The following PCLO variants were observed in gnomAD, a reference collection of about 807,000 sequenced individuals.
PCLO encodes the protein protein piccolo.
Under a neutral mutation model 427.5 loss-of-function variants are expected in PCLO, and 82 were observed. The observed-to-expected ratio is 0.19, with a 90% CI of 0.16 to 0.23. PCLO has a LOEUF of 0.23. Among genes scored for constraint, PCLO ranks in the 10% least tolerant of loss-of-function variants. PCLO has a pLI of 1.00. For synonymous variants in PCLO, 2,357 were observed against 2,155.4 expected (o/e 1.09, Z -2.59); for missense variants, 6,239 against 6,115.9 (o/e 1.02, Z -0.67).
intron 3 of PCLO, among the ~76,000 whole-genome samples, chr7:83,114,175 T>C (rs1156793515): frequency 9.2e-5 from 14 of 152,110 alleles, no homozygotes; most frequent in African/African-American, 3.4e-4. Context: ...TAAACATGTA[T>C]TGATTACCTA....
At chr7:82,828,130 C>T (rs1194458316) in intron 16 of PCLO, among the ~76,000 whole-genome samples, 164 bp from the exon 17 acceptor site, 1 of 152,026 alleles carries the variant, frequency 6.6e-6, no homozygotes, top group Non-Finnish European at 1.5e-5. Flanking sequence ...GTTGAATGCA[C>T]AGTGACAATT....
chr7:83,079,626 C>T (rs186218584), intron 3 of PCLO, among the ~76,000 whole-genome samples: 57 of 152,180 alleles, frequency 3.7e-4, no homozygotes, highest in Admixed American at 3.7e-3. Flanking sequence ...TTGTTGGTGG[C>T]TGTGACTGTT....
In PCLO at chr7:82,915,803, T is replaced by A. The variant is rs751290000; in HGVS notation, c.12183A>T (p.Ala4061=). 72 of 1,612,928 alleles carry A rather than the reference T, an allele frequency of 4.5e-5. No homozygotes were observed. In the East Asian group the frequency reaches 1.6e-3, roughly 36 times the overall value. The part of the protein sequence containing the change: ...DIGEITKGTA[A]LSTAFSLHEK... ...CATGAAGGCTAAATGCGGTGCTTAA[T>A]GCCGCTGTTCCTTTGGTGATCTCTC... Residue 4061 remains alanine, a synonymous_variant, in exon 7 of 25, where the codon GCA becomes GCT. Coordinates refer to ENST00000333891, the MANE Select transcript of PCLO (RefSeq NM_033026.6).
In PCLO at chr7:82,954,875, C is replaced by T. The variant is rs756829331; in HGVS notation, c.6078G>A (p.Gln2026=). Reference sequence around the variant, plus strand: ...TAAAAGAGCTTGAAACAATATCTTCCTGAGGCACAACAGAATGTAAGCTTT... The same window carrying T: ...TAAAAGAGCTTGAAACAATATCTTCTTGAGGCACAACAGAATGTAAGCTTT... ...ELESLHSVVP[Q]EDIVSSSFII... The change falls in exon 5 of 25, where the codon CAG becomes CAA. Residue 2026 remains glutamine (Q), a synonymous_variant. Coordinates refer to ENST00000333891, the MANE Select transcript of PCLO (RefSeq NM_033026.6). 4 of 1,613,796 alleles carry T rather than the reference C, an allele frequency of 2.5e-6. No individual in the cohort carries two copies. The highest frequency in any genetic ancestry group is 2.5e-6 in the Non-Finnish European group (3 of 1,179,868).
chr7:83,134,943 C>A lies in PCLO; in HGVS notation c.2607G>T (p.Lys869Asn). The change falls in exon 3 of 25, where the codon AAG becomes AAT. Residue 869 changes from lysine to asparagine, a missense_variant. Around this residue, in one of 5 missense-constraint regions of PCLO, gnomAD observed 4,677 missense variants for 4,468.4 expected, o/e 1.05. Transcript: ENST00000333891. ...GTGTTGGTGACCCTTTTGGCATTGGCTTGGCATCTGGTTTAGGACTCATTT... is the reference window on the plus strand; with the variant it reads ...GTGTTGGTGACCCTTTTGGCATTGGATTGGCATCTGGTTTAGGACTCATTT... Reference protein sequence around the residue: ...QTKMSPKPDAKPMPKGSPTPP... With the variant: ...QTKMSPKPDANPMPKGSPTPP... The A allele has an allele frequency of 6.2e-7, 1 of 1,607,836 alleles. No individual in the cohort carries two copies.
chr7:82,867,303 C>A (rs1793120056), intron 10 of PCLO, among the ~76,000 whole-genome samples: 1 of 152,144 alleles, frequency 6.6e-6, no homozygotes, highest in Admixed American at 6.6e-5. Flanking sequence ...ATATTCTAAG[C>A]ATGACATTAT....
chr7:82,767,658 A>AAAAAGT (rs1231852506), intron 22 of PCLO, among the ~76,000 whole-genome samples: 2 of 152,138 alleles, frequency 1.3e-5, no homozygotes, highest in Non-Finnish European at 2.9e-5. Flanking sequence ...CTTTTCTCAG[A>AAAAAGT]AAAAGTAAAT....
chr7:82,976,290 C>A (rs1796016356), intron 3 of PCLO, among the ~76,000 whole-genome samples: 1 of 152,096 alleles, frequency 6.6e-6, no homozygotes, highest in Non-Finnish European at 1.5e-5. Context: ...GCATTCTGAC[C>A]TGTCCTCATG....
At chr7:83,055,375 C>A (rs1442888938) in intron 3 of PCLO, among the ~76,000 whole-genome samples, 3 of 151,990 alleles carry the variant, frequency 2.0e-5, no homozygotes, top group Non-Finnish European at 4.4e-5. Flanking sequence ...TTATGGAAAG[C>A]AAAATAAAAA....
intron 3 of PCLO, among the ~76,000 whole-genome samples, chr7:82,967,289 C>T (rs1795801273): frequency 2.7e-5 from 4 of 150,896 alleles, no homozygotes; most frequent in South Asian, 4.2e-4. Flanking sequence ...GATTCTCCTG[C>T]CTCAGCCTCC....
At chr7:83,121,690 T>C (rs888553099) in intron 3 of PCLO, among the ~76,000 whole-genome samples, 3 of 151,576 alleles carry the variant, frequency 2.0e-5, no homozygotes, top group African/African-American at 7.3e-5. Context: ...AGATATTTCA[T>C]GCAAATGAAA....
chr7:82,805,785 C>T lies in PCLO; in HGVS notation c.14836G>A (p.Gly4946Ser). The change falls in exon 21 of 25, where the codon GGC becomes AGC. Residue 4946 changes from glycine (G) to serine (S), a missense_variant. Physicochemically the swap from Gly to Ser is moderately conservative, Grantham distance 56 (BLOSUM62 0). Coordinates refer to ENST00000333891, the MANE Select transcript of PCLO (RefSeq NM_033026.6). The part of the protein sequence containing the change: ...HRPAESSVST[G>S]SSGSSFGSGY... ...CTGCCAAAGCTGCTGCCCGAGGAGCCGGTGGACACAGAGCTTTCTGCAGGC... is the reference window on the plus strand; with the variant it reads ...CTGCCAAAGCTGCTGCCCGAGGAGCTGGTGGACACAGAGCTTTCTGCAGGC... 1 of 1,609,070 alleles carries T rather than the reference C, an allele frequency of 6.2e-7. No homozygotes were observed. Among genetic ancestry groups the T allele is most frequent in the South Asian group, 1.1e-5 (1 of 89,966 alleles).
intron 3 of PCLO, among the ~76,000 whole-genome samples, chr7:83,099,844 CTGT>C (rs34639553): frequency 0.46 from 69,501 of 151,626 alleles, 16,303 homozygotes; most frequent in East Asian, 0.71. Context: ...TCTTCTGCTG[CTGT>C]TGTCGTTAAA....
Position 82,810,802 on chromosome 7 carries a change from A to G in PCLO, c.14792-4973T>C, listed in dbSNP as rs144586710. On this transcript the variant is annotated intron_variant, in intron 20 of 24. Coordinates refer to ENST00000333891, the MANE Select transcript of PCLO (RefSeq NM_033026.6). ...TCTGTTGGCTTTTCTTCCCTCTACC[A>G]CACAGTACTTAAATATGCAAAGCTA... Among the ~76,000 whole-genome samples the G allele has an allele frequency of 9.9e-3, 1,506 of 151,738 alleles. 17 individuals are homozygous for G. Among genetic ancestry groups the G allele is most frequent in the African/African-American group, 0.034 (1,408 of 41,494 alleles).
chr7:82,989,152 G>A (rs1796320911), intron 3 of PCLO, among the ~76,000 whole-genome samples: 1 of 151,944 alleles, frequency 6.6e-6, no homozygotes, highest in African/African-American at 2.4e-5. Flanking sequence ...ACCACATGTA[G>A]ATCTTTCTAA....
At chr7:83,107,859 C>A (rs1370936447) in intron 3 of PCLO, among the ~76,000 whole-genome samples, 2 of 150,862 alleles carry the variant, frequency 1.3e-5, no homozygotes, top group African/African-American at 4.9e-5. Flanking sequence ...CATGGTGGTG[C>A]ACACCTGTAG....
intron 3 of PCLO, among the ~76,000 whole-genome samples, chr7:83,085,294 G>C (rs192768936): frequency 6.6e-6 from 1 of 152,246 alleles, no homozygotes; most frequent in Admixed American, 6.5e-5. Context: ...CATTTATCTA[G>C]TATTTACTAT....
rs540976670 is a variant in PCLO at position 82,954,586 on chromosome 7, C to T, written c.6367G>A (p.Ala2123Thr). The T allele has an allele frequency of 2.5e-6, 4 of 1,613,906 alleles. No individual in the cohort carries two copies. In the African/African-American group the frequency reaches 4.0e-5, roughly 16 times the overall value. The change falls in exon 5 of 25, where the codon GCA becomes ACA. Residue 2123 changes from alanine (A) to threonine (T), a missense_variant. Ala to Thr is a moderately conservative substitution (Grantham distance 58, BLOSUM62 0). This residue lies in a region of PCLO where 4,677 missense variants were observed against 4,468.4 expected (regional missense o/e 1.05). Coordinates refer to ENST00000333891, the MANE Select transcript of PCLO (RefSeq NM_033026.6). ...TTAACATCTGGGATAGAGAGTGTTG[C>T]ACTGCTGGTCGAATCTGTAAGAGAC... is the stretch of plus-strand genomic sequence containing the variant. Reference protein sequence around the residue: ...GASLTDSTSSATLSIPDVKIT... With the variant: ...GASLTDSTSSTTLSIPDVKIT...
chr7:83,137,064 A>G (rs999254870), intron 2 of PCLO, among the ~76,000 whole-genome samples: 2 of 152,202 alleles, frequency 1.3e-5, no homozygotes, highest in African/African-American at 4.8e-5. Context: ...AGAATGCTGC[A>G]CAATGAAACA....
Sources: allele counts gnomAD v4.1 joint callset (sites outside exome capture counted in the v4.1 genomes callset), GRCh38; gene constraint gnomAD v4.1.1; regional missense constraint gnomAD v4.1.1; transcripts MANE v1.5; gene names NCBI Gene and HGNC (gene_info 2026-07-23, HGNC 2026-07-21).